The following MAPK10 variants were observed in gnomAD, a reference collection of about 807,000 sequenced individuals.
MAPK10 encodes mitogen-activated protein kinase 10, also known as JNK3 alpha protein kinase.
A neutral mutation model predicts 59.3 loss-of-function variants in MAPK10; 25 were observed. The observed-to-expected ratio is 0.42, with a 90% confidence interval of 0.31 to 0.59. MAPK10 has a LOEUF of 0.59. Ranked by LOEUF, MAPK10 falls within the 20% of genes least tolerant of loss-of-function variation. MAPK10 has a pLI of 0.15. For synonymous variants in MAPK10, 190 were observed against 200.5 expected (o/e 0.95, Z 0.44); for missense variants, 351 against 568.9 (o/e 0.62, Z 3.90).
chr4:86,283,919 G>T (rs1390712306), intron 2 of MAPK10, among the ~76,000 whole-genome samples: 1 of 152,066 alleles, frequency 6.6e-6, no homozygotes, highest in Non-Finnish European at 1.5e-5. Flanking sequence ...GGAAAAGGGG[G>T]GTTTTCAAGT....
intron 4 of MAPK10, among the ~76,000 whole-genome samples, chr4:86,128,739 ATTT>A (rs1328649283): frequency 5.3e-5 from 8 of 152,080 alleles, no homozygotes. Flanking sequence ...TAAGAAGTAA[ATTT>A]TTTATTATAA....
At chr4:86,260,490 T>C (rs986814722) in intron 2 of MAPK10, among the ~76,000 whole-genome samples, 3 of 152,092 alleles carry the variant, frequency 2.0e-5, no homozygotes, top group Non-Finnish European at 4.4e-5. Context: ...ATTTCATCTA[T>C]GAGTCTTAAG....
At position 86,011,677 on chromosome 4, in the gene MAPK10, G is replaced by A. The variant is rs1741442711; in HGVS notation, c.*5551C>T. 6.6e-6 allele frequency: 1 copy of A among 152,150 alleles called. No homozygotes were observed. Among genetic ancestry groups the A allele is most frequent in the African/African-American group, 2.4e-5 (1 of 41,436 alleles). The allele number at this position is 152,150 out of a possible 1,614,324, so 9.4% of individuals were successfully genotyped here. A position where few individuals can be genotyped will look rare whatever the true frequency, so the allele number is the denominator to read the frequency against. ...ACCTATGCTTGACCTTTTTTAAAGA[G>A]AGTAAGGATCTGTGATTTAAACTAG... On this transcript the variant is annotated 3_prime_UTR_variant, in exon 14 of 14. Coordinates refer to ENST00000641462, the MANE Select transcript of MAPK10 (RefSeq NM_138982.4).
At chr4:86,209,688 G>A (rs1431009889) in intron 2 of MAPK10, among the ~76,000 whole-genome samples, 1 of 151,992 alleles carries the variant, frequency 6.6e-6, no homozygotes, top group Non-Finnish European at 1.5e-5. Context: ...CTGTTAAAAT[G>A]TCTATACCCT....
chr4:86,161,145 A>G (rs1335703045), intron 3 of MAPK10, among the ~76,000 whole-genome samples: 1 of 152,054 alleles, frequency 6.6e-6, no homozygotes, highest in African/African-American at 2.4e-5. Flanking sequence ...TTCATTGCAA[A>G]TGCACTAAGA....
intron 1 of MAPK10, among the ~76,000 whole-genome samples, chr4:86,465,808 C>A (rs1208434117): frequency 1.3e-5 from 2 of 152,152 alleles, no homozygotes; most frequent in Non-Finnish European, 2.9e-5. Flanking sequence ...CATGTTGAGA[C>A]TGACACTGAG....
chr4:86,401,589 CT>C, intron 1 of MAPK10, among the ~76,000 whole-genome samples: 1 of 152,222 alleles, frequency 6.6e-6, no homozygotes, highest in East Asian at 1.9e-4. Context: ...TCATGTTTCT[CT>C]TTTTACTTTG....
chr4:86,246,708 G>T (rs560832174), intron 2 of MAPK10, among the ~76,000 whole-genome samples: 1 of 152,234 alleles, frequency 6.6e-6, no homozygotes, highest in Non-Finnish European at 1.5e-5. Context: ...TGAAGAAACC[G>T]AGAGTCAGCT....
intron 2 of MAPK10, among the ~76,000 whole-genome samples, chr4:86,242,178 G>A (rs1223403637): frequency 6.6e-6 from 1 of 152,004 alleles, no homozygotes; most frequent in African/African-American, 2.4e-5. Context: ...TCCAATGCCT[G>A]GAGATGTCAT....
chr4:86,503,976 C>A (rs1381625870), intron 1 of MAPK10, among the ~76,000 whole-genome samples: 1 of 152,090 alleles, frequency 6.6e-6, no homozygotes, highest in Admixed American at 6.6e-5. Context: ...CTGAGACCTA[C>A]AGGGCCCTCC....
intron 2 of MAPK10, among the ~76,000 whole-genome samples, chr4:86,338,255 G>A (rs1409498035): frequency 6.6e-6 from 1 of 152,196 alleles, no homozygotes; most frequent in Non-Finnish European, 1.5e-5. Flanking sequence ...AAGGCATCTA[G>A]GTCGTTGTCC....
Position 86,014,279 on chromosome 4 carries a change from G to C in MAPK10, c.*2949C>G, listed in dbSNP as rs1038429445. ...GTTGGGATGTTCTTGGGAAATAACA[G>C]GTGACTATTTAAGAAATATTTGGGG... On this transcript the variant is annotated 3_prime_UTR_variant, in exon 14 of 14. Coordinates refer to ENST00000641462, the MANE Select transcript of MAPK10 (RefSeq NM_138982.4). The C allele has an allele frequency of 4.6e-4, 69 of 149,650 alleles. No homozygotes were observed. Among genetic ancestry groups the C allele is most frequent in the Admixed American group, 4.5e-3 (68 of 14,982 alleles). The allele number at this position is 149,650 out of a possible 1,614,324, so 9.3% of individuals were successfully genotyped here. A position where few individuals can be genotyped will look rare whatever the true frequency, so the allele number is the denominator to read the frequency against.
intron 3 of MAPK10, among the ~76,000 whole-genome samples, chr4:86,165,765 G>C (rs1018151824): frequency 5.3e-5 from 8 of 151,692 alleles, no homozygotes; most frequent in African/African-American, 1.7e-4. Context: ...ATTAAATTTT[G>C]TTCTCTCAAG....
chr4:86,084,028 T>A (rs1579933986), intron 9 of MAPK10, among the ~76,000 whole-genome samples: 5 of 152,234 alleles, frequency 3.3e-5, no homozygotes, highest in African/African-American at 1.2e-4. Context: ...GAAGAGTCCT[T>A]GGTCCCTGAA....
At chr4:86,103,101 G>GTGTGTGTA (rs1265322964) in intron 6 of MAPK10, 85 bp downstream of exon 6, 1 of 783,498 alleles carries the variant, frequency 1.3e-6, no homozygotes, top group Non-Finnish European at 2.3e-6. Flanking sequence ...GTGTGTGTGT[G>GTGTGTGTA]TGTGTGTGTG....
intron 1 of MAPK10, among the ~76,000 whole-genome samples, chr4:86,478,579 C>A (rs1040416677): frequency 2.0e-5 from 3 of 152,202 alleles, no homozygotes; most frequent in Non-Finnish European, 4.4e-5. Context: ...TCCCCGGCTC[C>A]TTCAGCTGTA....
At chr4:86,564,037 C>T (rs1390474428) in intron 1 of MAPK10, among the ~76,000 whole-genome samples, 3 of 152,042 alleles carry the variant, frequency 2.0e-5, no homozygotes, top group African/African-American at 7.2e-5. Flanking sequence ...TTACCATTTT[C>T]TCCAGGCTGG....
At chr4:86,564,904 C>T (rs1293864368) in intron 1 of MAPK10, among the ~76,000 whole-genome samples, 1 of 152,026 alleles carries the variant, frequency 6.6e-6, no homozygotes, top group Non-Finnish European at 1.5e-5. Context: ...CATGAGATGG[C>T]GGGGGAAGTT....
At position 86,101,234 on chromosome 4, in the gene MAPK10, G is replaced by A; in HGVS notation, c.565-17C>T. The A allele has an allele frequency of 1.2e-6, 2 of 1,604,266 alleles. No individual in the cohort carries two copies. The highest frequency in any genetic ancestry group is 2.7e-5 in the African/African-American group (2 of 74,694). On this transcript the variant is annotated splice_polypyrimidine_tract_variant and intron_variant, in intron 7 of 13. Transcript: ENST00000641462. ...TTTTAAATCCTAACAGTAAGGATAA[G>A]GGAAAAAATTAAAAGCCAGTATCAA...
Sources: allele counts gnomAD v4.1 joint callset (sites outside exome capture counted in the v4.1 genomes callset), GRCh38; gene constraint gnomAD v4.1.1; transcripts MANE v1.5; gene names NCBI Gene and HGNC (gene_info 2026-07-23, HGNC 2026-07-21).